The following NPAS3 variants were observed in gnomAD, a reference collection of about 807,000 sequenced individuals.
NPAS3 encodes neuronal PAS domain-containing protein 3.
Under a neutral mutation model 73.1 loss-of-function variants are expected in NPAS3, and 14 were observed. The observed-to-expected ratio is 0.19, with a 90% CI of 0.13 to 0.30. The LOEUF (loss-of-function observed/expected upper bound fraction) is 0.30. NPAS3 is among the 10% of genes least tolerant of loss of function. The pLI is 1.00. For synonymous variants in NPAS3, 620 were observed against 541.5 expected (o/e 1.14, Z -2.01); for missense variants, 1,096 against 1,250.0 (o/e 0.88, Z 1.86).
chr14:33,447,808 A>G (rs920878976), intron 4 of NPAS3, among the ~76,000 whole-genome samples: 1 of 152,214 alleles, frequency 6.6e-6, no homozygotes, highest in African/African-American at 2.4e-5. Context: ...TGAGCTACTC[A>G]GAAGGCTAAG....
intron 7 of NPAS3, among the ~76,000 whole-genome samples, chr14:33,759,166 A>G (rs757708195): frequency 1.1e-4 from 17 of 152,220 alleles, no homozygotes; most frequent in Admixed American, 2.0e-4. Context: ...TTATAAATAA[A>G]TTACCACCTA....
chr14:33,247,565 C>T (rs972800581), intron 3 of NPAS3, among the ~76,000 whole-genome samples: 1 of 152,062 alleles, frequency 6.6e-6, no homozygotes. Context: ...TTCGTGTAGG[C>T]TTTTCTTGTA....
intron 2 of NPAS3, among the ~76,000 whole-genome samples, chr14:33,181,986 C>T (rs1211857440): frequency 6.6e-6 from 1 of 151,854 alleles, no homozygotes; most frequent in Non-Finnish European, 1.5e-5. Flanking sequence ...TTGCTGGCTA[C>T]CCCACATATA....
chr14:33,089,939 G>C (rs945133080), intron 2 of NPAS3, among the ~76,000 whole-genome samples: 1 of 152,056 alleles, frequency 6.6e-6, no homozygotes, highest in Non-Finnish European at 1.5e-5. Flanking sequence ...TTTACAGACA[G>C]GCAAATGCTG....
chr14:33,743,259 A>G (rs976457315), intron 7 of NPAS3, among the ~76,000 whole-genome samples: 9 of 152,320 alleles, frequency 5.9e-5, no homozygotes, highest in Non-Finnish European at 1.2e-4. Context: ...GAAAGTCAAA[A>G]TTACTCTTTA....
chr14:33,311,270 T>A (rs1594662349), intron 3 of NPAS3, among the ~76,000 whole-genome samples: 1 of 152,286 alleles, frequency 6.6e-6, no homozygotes, highest in Middle Eastern at 3.4e-3. Context: ...GAAAACCATA[T>A]GAACAGTGCA....
chr14:33,520,406 G>GT (rs1391371254), intron 4 of NPAS3, among the ~76,000 whole-genome samples: 1 of 151,944 alleles, frequency 6.6e-6, no homozygotes. Flanking sequence ...GCTGAGGGAG[G>GT]TTTGTTTTCT....
At chr14:33,445,536 T>C (rs1445410894) in intron 4 of NPAS3, among the ~76,000 whole-genome samples, 1 of 152,210 alleles carries the variant, frequency 6.6e-6, no homozygotes, top group African/African-American at 2.4e-5. Flanking sequence ...AACTCTGTTA[T>C]ACAATTGAAA....
chr14:33,356,713 GCT>G (rs1374567217), intron 3 of NPAS3, among the ~76,000 whole-genome samples: 1 of 152,146 alleles, frequency 6.6e-6, no homozygotes, highest in African/African-American at 2.4e-5. Flanking sequence ...TGTTTCAGAA[GCT>G]CTCTGGAATT....
intron 5 of NPAS3, among the ~76,000 whole-genome samples, chr14:33,665,693 GTTGACATTCAAACCCACTGCTTA>G (rs2059433148): frequency 6.6e-6 from 1 of 152,118 alleles, no homozygotes; most frequent in African/African-American, 2.4e-5. Context: ...TTTTTAAAAA[GTTGACATTCAAACCCACTGCTTA>G]AAAAGATTTA....
chr14:33,291,333 A>G (rs957072574), intron 3 of NPAS3, among the ~76,000 whole-genome samples: 4 of 152,116 alleles, frequency 2.6e-5, no homozygotes, highest in African/African-American at 9.7e-5. Context: ...AAGGCCTTAT[A>G]TCTCAGCCTG....
At chr14:33,610,213 AC>A (rs1292382641) in intron 5 of NPAS3, among the ~76,000 whole-genome samples, 1 of 152,174 alleles carries the variant, frequency 6.6e-6, no homozygotes, top group East Asian at 1.9e-4. Flanking sequence ...ATCCTTAATT[AC>A]TTTTGTCTGC....
At chr14:33,042,489 A>C (rs1294444859) in intron 1 of NPAS3, among the ~76,000 whole-genome samples, 1 of 152,218 alleles carries the variant, frequency 6.6e-6, no homozygotes, top group Non-Finnish European at 1.5e-5. Context: ...CTATCTATTC[A>C]AATTGATGTA....
chr14:33,557,485 T>A (rs747367479), intron 4 of NPAS3, among the ~76,000 whole-genome samples: 10 of 152,236 alleles, frequency 6.6e-5, no homozygotes, highest in South Asian at 4.1e-4. Context: ...GTAAATATTT[T>A]AATTTCAGAA....
chr14:33,454,730 A>T (rs1380722601), intron 4 of NPAS3, among the ~76,000 whole-genome samples: 1 of 152,048 alleles, frequency 6.6e-6, no homozygotes, highest in Non-Finnish European at 1.5e-5. Context: ...GGAGTTGGGG[A>T]TTTCTTTTCT....
At chr14:33,406,154 C>T (rs914939594) in intron 4 of NPAS3, among the ~76,000 whole-genome samples, 2 of 152,158 alleles carry the variant, frequency 1.3e-5, no homozygotes, top group African/African-American at 4.8e-5. Flanking sequence ...AAGCCTTTCT[C>T]CTTGGAACAT....
chr14:33,307,271 A>G (rs1012122605), intron 3 of NPAS3, among the ~76,000 whole-genome samples: 2 of 152,218 alleles, frequency 1.3e-5, no homozygotes, highest in African/African-American at 4.8e-5. Context: ...ATAAAAATTA[A>G]CATTTGTCCT....
At chr14:33,224,326 G>T (rs953509498) in intron 3 of NPAS3, among the ~76,000 whole-genome samples, 1 of 152,140 alleles carries the variant, frequency 6.6e-6, no homozygotes, top group Non-Finnish European at 1.5e-5. Context: ...TTATATGATT[G>T]AAATTGTACT....
intron 1 of NPAS3, among the ~76,000 whole-genome samples, chr14:33,007,620 CTACATGCTT>C (rs1202947295): frequency 1.3e-5 from 2 of 152,294 alleles, no homozygotes; most frequent in East Asian, 3.9e-4. Context: ...GCAAGTGCTA[CTACATGCTT>C]TACACTTAAA....
Sources: gnomAD v4.1 joint callset for allele counts (sites outside exome capture counted in the v4.1 genomes callset) on GRCh38, gnomAD v4.1.1 for gene constraint, MANE v1.5 for transcripts, NCBI Gene and HGNC (gene_info 2026-07-23, HGNC 2026-07-21) for gene names.